HTR2C: variants seen among roughly 807,000 people sequenced by gnomAD.
HTR2C encodes 5-hydroxytryptamine (serotonin) receptor 2C, G protein-coupled.
In HTR2C, 5 loss-of-function variants were observed where a neutral mutation model predicts 21.0. The ratio of observed to expected loss-of-function variants is 0.24; its 90% CI spans 0.12 to 0.50. HTR2C has a LOEUF of 0.50. Among genes scored for constraint, HTR2C ranks in the 20% least tolerant of loss-of-function variants. The pLI is 0.98. For synonymous variants in HTR2C, 150 were observed against 145.3 expected, an observed-to-expected ratio of 1.03 and a Z score of -0.23; for missense variants, 271 against 371.2, an observed-to-expected ratio of 0.73 and a Z score of 2.22.
intron 4 of HTR2C, among the ~76,000 whole-genome samples, chrX:114,732,897 C>T (rs1405677011): frequency 9.0e-6 from 1 of 111,538 alleles, no homozygotes; most frequent in Non-Finnish European, 1.9e-5. Context: ...AAACAAAGAA[C>T]AATATAAAAA....
intron 2 of HTR2C, among the ~76,000 whole-genome samples, chrX:114,696,192 A>G (rs782074437): frequency 6.4e-4 from 71 of 111,748 alleles, no homozygotes; most frequent in African/African-American, 2.2e-3. Context: ...CCAGGAAAAA[A>G]TGAACTTATA....
intron 2 of HTR2C, among the ~76,000 whole-genome samples, chrX:114,688,987 G>A (rs2147859230): frequency 9.2e-6 from 1 of 108,506 alleles, no homozygotes; most frequent in African/African-American, 3.4e-5. Context: ...TCGTGCCCCT[G>A]TAACCCTTCC....
intron 1 of HTR2C, among the ~76,000 whole-genome samples, chrX:114,604,735 G>A (rs1556396195): frequency 9.0e-6 from 1 of 111,085 alleles, no homozygotes. Flanking sequence ...GCATTCCTTG[G>A]CCTGGTGGTC....
intron 5 of HTR2C, among the ~76,000 whole-genome samples, chrX:114,866,603 AT>A (rs35657175): frequency 2.9e-5 from 3 of 104,428 alleles, no homozygotes; most frequent in Non-Finnish European, 3.9e-5. Context: ...CATTCTTTCT[AT>A]TTTTTTTTGT....
chrX:114,838,692 A>T, intron 4 of HTR2C, among the ~76,000 whole-genome samples: 1 of 112,135 alleles, frequency 8.9e-6, no homozygotes, highest in East Asian at 2.8e-4. Context: ...CATTTCACTC[A>T]ACTATGAATT....
chrX:114,753,355 G>T (rs782309104), intron 4 of HTR2C, among the ~76,000 whole-genome samples: 1 of 111,705 alleles, frequency 9.0e-6, no homozygotes, highest in South Asian at 3.7e-4. Context: ...ATACAACATA[G>T]GACTGAAAGT....
chrX:114,712,462 C>G (rs973800581), intron 2 of HTR2C, among the ~76,000 whole-genome samples: 16 of 111,935 alleles, frequency 1.4e-4, no homozygotes, highest in African/African-American at 4.9e-4. Flanking sequence ...AAGGATGGAA[C>G]TAATTTTGAA....
intron 2 of HTR2C, among the ~76,000 whole-genome samples, chrX:114,673,039 A>G (rs1556412038): frequency 1.8e-5 from 2 of 111,986 alleles, no homozygotes; most frequent in African/African-American, 6.5e-5. Flanking sequence ...ATGATTCTTC[A>G]TTAATCAGCC....
chrX:114,761,946 TAC>T (rs1405004628), intron 4 of HTR2C, among the ~76,000 whole-genome samples: 6 of 109,520 alleles, frequency 5.5e-5, no homozygotes, highest in Non-Finnish European at 9.5e-5. Flanking sequence ...TGTGTATATA[TAC>T]GTGTATATAT....
intron 5 of HTR2C, 88 bp from the exon 6 acceptor site, chrX:114,906,501 G>A (rs980208671): frequency 1.2e-5 from 8 of 674,666 alleles, no homozygotes; most frequent in Non-Finnish European, 1.6e-5. Context: ...ATTTCCTTCC[G>A]TAAAATGCAA....
At position 114,907,476 on chromosome X, in the gene HTR2C, T is replaced by C. The variant is rs1199596410; in HGVS notation, c.*61T>C. On this transcript the variant is annotated 3_prime_UTR_variant, in exon 6 of 6. Transcript: ENST00000276198. ...TACATATGTAGGAAAATTTTCTTCTTTAATTTTTCTGTTGGTCTTAACTAA... is the reference window on the plus strand; with the variant it reads ...TACATATGTAGGAAAATTTTCTTCTCTAATTTTTCTGTTGGTCTTAACTAA... 3.4e-6 allele frequency: 3 copies of C among 877,679 alleles called. No individual in the cohort carries two copies. Among genetic ancestry groups the C allele is most frequent in the Non-Finnish European group, 4.9e-6 (3 of 616,365 alleles). 72.3% of individuals were successfully genotyped at this position (877,679 alleles called of 1,213,427 possible).
intron 4 of HTR2C, among the ~76,000 whole-genome samples, chrX:114,752,234 A>C (rs186768120): frequency 3.3e-4 from 37 of 112,274 alleles, no homozygotes; most frequent in African/African-American, 1.1e-3. Flanking sequence ...CTTAGACAGC[A>C]CATGTTTATT....
intron 4 of HTR2C, among the ~76,000 whole-genome samples, chrX:114,836,610 C>T (rs926574750): frequency 1.1e-4 from 12 of 112,180 alleles, no homozygotes; most frequent in Non-Finnish European, 1.9e-4. Flanking sequence ...CTGTCTGTTA[C>T]TCCCTAGTGA....
At chrX:114,699,018 C>T (rs782677278) in intron 2 of HTR2C, among the ~76,000 whole-genome samples, 2 of 111,502 alleles carry the variant, frequency 1.8e-5, no homozygotes, top group Non-Finnish European at 3.8e-5. Flanking sequence ...TTAAAAGTGG[C>T]CACAGAGGGG....
At chrX:114,712,682 A>C (rs1484572786) in intron 2 of HTR2C, among the ~76,000 whole-genome samples, 1 of 111,659 alleles carries the variant, frequency 9.0e-6, no homozygotes, top group Non-Finnish European at 1.9e-5. Flanking sequence ...CTTAGATGAG[A>C]GAGCTCATGT....
chrX:114,825,660 C>T (rs1556458102), intron 4 of HTR2C, among the ~76,000 whole-genome samples: 1 of 111,453 alleles, frequency 9.0e-6, no homozygotes, highest in African/African-American at 3.3e-5. Flanking sequence ...AGTTCTTTTA[C>T]CTCAGTGATA....
At chrX:114,660,288 AT>A (rs1202711171) in intron 2 of HTR2C, among the ~76,000 whole-genome samples, 1 of 112,364 alleles carries the variant, frequency 8.9e-6, no homozygotes, top group Admixed American at 9.4e-5. Flanking sequence ...TCTCTTACTC[AT>A]TCCTGTCTTC....
intron 5 of HTR2C, among the ~76,000 whole-genome samples, chrX:114,883,052 T>C (rs1556480218): frequency 9.0e-6 from 1 of 110,523 alleles, no homozygotes; most frequent in African/African-American, 3.3e-5. Flanking sequence ...TTACTTGGTA[T>C]ACGTCCAGTC....
chrX:114,721,763 A>G (rs1156992553), intron 2 of HTR2C, among the ~76,000 whole-genome samples: 1 of 111,218 alleles, frequency 9.0e-6, no homozygotes, highest in Admixed American at 9.6e-5. Flanking sequence ...AGCACCGTTT[A>G]TTAAATAGGG....
Sources: allele counts gnomAD v4.1 joint callset (sites outside exome capture counted in the v4.1 genomes callset), GRCh38; gene constraint gnomAD v4.1.1; transcripts MANE v1.5; gene names NCBI Gene and HGNC (gene_info 2026-07-23, HGNC 2026-07-21).